The following PDZRN4 variants were observed in gnomAD, a reference collection of about 807,000 sequenced individuals.
PDZRN4 encodes PDZ domain containing ring finger 4.
In PDZRN4, 70 loss-of-function variants were observed where a neutral mutation model predicts 99.0. The observed-to-expected ratio is 0.71, with a 90% CI of 0.58 to 0.86. The LOEUF (loss-of-function observed/expected upper bound fraction) is 0.86. Among genes scored for constraint, PDZRN4 ranks in the 40% least tolerant of loss-of-function variants. The pLI, the probability that PDZRN4 is intolerant of heterozygous loss-of-function variation, is 0.00. For missense variants in PDZRN4, 1,474 were observed against 1,331.2 expected (o/e 1.11, Z -1.67); for synonymous variants, 551 against 501.6 (o/e 1.10, Z -1.32).
chr12:41,347,907 T>C (rs960157810), intron 3 of PDZRN4, among the ~76,000 whole-genome samples: 3 of 152,134 alleles, frequency 2.0e-5, no homozygotes, highest in Non-Finnish European at 4.4e-5. Flanking sequence ...GTAACTATTA[T>C]ATAGTTATGA....
At chr12:41,352,589 G>A (rs952901793) in intron 3 of PDZRN4, among the ~76,000 whole-genome samples, 1 of 152,122 alleles carries the variant, frequency 6.6e-6, no homozygotes, top group Non-Finnish European at 1.5e-5. Flanking sequence ...TATTCTAGAA[G>A]CTTATTGTGA....
intron 3 of PDZRN4, among the ~76,000 whole-genome samples, chr12:41,375,951 G>A (rs1423952249): frequency 6.6e-6 from 1 of 152,018 alleles, no homozygotes; most frequent in Non-Finnish European, 1.5e-5. Context: ...CTTAATTTCT[G>A]AGTGATATTT....
intron 3 of PDZRN4, among the ~76,000 whole-genome samples, chr12:41,483,872 A>G (rs981313270): frequency 6.6e-6 from 1 of 152,152 alleles, no homozygotes; most frequent in Non-Finnish European, 1.5e-5. Context: ...TAGTACACAC[A>G]TTGCATTTAT....
intron 4 of PDZRN4, among the ~76,000 whole-genome samples, chr12:41,507,585 A>C (rs532828907): frequency 4.7e-4 from 72 of 152,196 alleles, no homozygotes; most frequent in African/African-American, 1.7e-3. Flanking sequence ...CAGATGTACA[A>C]TAGAATCACC....
chr12:41,317,048 G>GTATATATATATA (rs33919115), intron 3 of PDZRN4, among the ~76,000 whole-genome samples: 4 of 69,582 alleles, frequency 5.7e-5, no homozygotes, highest in Admixed American at 2.0e-4. Context: ...CTTACATAAA[G>GTATATATATATA]TATATATATA....
rs183767967 is a variant in PDZRN4 at position 41,275,663 on chromosome 12, T to A, written c.843+81475T>A. 5.0e-4 allele frequency among the ~76,000 whole-genome samples: 75 copies of A among 151,100 alleles called. 3 individuals are homozygous for A. The highest frequency in any genetic ancestry group is 1.6e-3 in the African/African-American group (65 of 40,502). On this transcript the variant is annotated intron_variant, in intron 3 of 9. Transcript: ENST00000402685. ...TATAAGAGTATACTGTGGATTTTTT[T>A]AAAAAAATAATCATTTCTGAGGGAT...
chr12:41,362,279 T>C (rs534205735), intron 3 of PDZRN4, among the ~76,000 whole-genome samples: 4 of 152,148 alleles, frequency 2.6e-5, no homozygotes, highest in Non-Finnish European at 5.9e-5. Flanking sequence ...ATAATTACTT[T>C]ATTTTGCCTG....
intron 3 of PDZRN4, among the ~76,000 whole-genome samples, chr12:41,494,437 A>G (rs1937953023): frequency 6.6e-6 from 1 of 152,088 alleles, no homozygotes; most frequent in East Asian, 1.9e-4. Flanking sequence ...CACAAATAGT[A>G]AGCACTCAAC....
chr12:41,533,739 T>A (rs1211604393), intron 5 of PDZRN4, among the ~76,000 whole-genome samples: 2 of 152,194 alleles, frequency 1.3e-5, no homozygotes, highest in African/African-American at 4.8e-5. Flanking sequence ...TGGTGGTTCT[T>A]GTCCACATTT....
At chr12:41,552,368 T>C (rs1189672307) in intron 5 of PDZRN4, among the ~76,000 whole-genome samples, 2 of 152,220 alleles carry the variant, frequency 1.3e-5, no homozygotes, top group African/African-American at 4.8e-5. Context: ...GTATTTGATT[T>C]ATACATTATT....
At chr12:41,529,059 A>G (rs183105996) in intron 5 of PDZRN4, among the ~76,000 whole-genome samples, 113 of 152,266 alleles carry the variant, frequency 7.4e-4, no homozygotes, top group African/African-American at 2.6e-3. Context: ...TCCATTGCCC[A>G]TTACAGAAGT....
intron 3 of PDZRN4, among the ~76,000 whole-genome samples, chr12:41,379,249 C>CTG (rs1427608216): frequency 7.1e-5 from 7 of 98,358 alleles, no homozygotes; most frequent in African/African-American, 2.8e-4. Flanking sequence ...TCTCTATTTT[C>CTG]TGTTTTTTTT....
chr12:41,541,610 C>T (rs392217), intron 5 of PDZRN4, among the ~76,000 whole-genome samples: 23,622 of 151,706 alleles, frequency 0.16, 2,194 homozygotes, highest in African/African-American at 0.26. Context: ...CCCACCACCA[C>T]GCCTGGCTAA....
intron 3 of PDZRN4, among the ~76,000 whole-genome samples, chr12:41,198,102 G>A (rs1251403331): frequency 2.0e-5 from 3 of 151,662 alleles, no homozygotes; most frequent in Non-Finnish European, 2.9e-5. Context: ...ATTTTCTGTA[G>A]AGATGGGGTT....
chr12:41,477,600 A>G (rs1030503512), intron 3 of PDZRN4, among the ~76,000 whole-genome samples: 1 of 152,226 alleles, frequency 6.6e-6, no homozygotes, highest in East Asian at 1.9e-4. Context: ...GGTAGCAGCC[A>G]TCAGCAAAAG....
chr12:41,422,317 C>T (rs1157456052), intron 3 of PDZRN4, among the ~76,000 whole-genome samples: 1 of 152,132 alleles, frequency 6.6e-6, no homozygotes, highest in East Asian at 1.9e-4. Flanking sequence ...GGAATATATC[C>T]TCAGTCAAAT....
At chr12:41,452,401 T>C (rs1189035094) in intron 3 of PDZRN4, among the ~76,000 whole-genome samples, 2 of 148,802 alleles carry the variant, frequency 1.3e-5, no homozygotes, top group Admixed American at 6.7e-5. Flanking sequence ...ATTGCACCAC[T>C]GCACTCCAGC....
chr12:41,309,666 T>TAACAGGTAAAGTTA (rs1259196896), intron 3 of PDZRN4, among the ~76,000 whole-genome samples: 6 of 152,094 alleles, frequency 3.9e-5, no homozygotes, highest in African/African-American at 1.4e-4. Context: ...ATGGCTGTAA[T>TAACAGGTAAAGTTA]ATGTAAAGCC....
chr12:41,223,485 C>T (rs1267760027), intron 3 of PDZRN4, among the ~76,000 whole-genome samples: 6 of 152,146 alleles, frequency 3.9e-5, no homozygotes, highest in Non-Finnish European at 7.3e-5. Context: ...CTCTTGCTCT[C>T]AAATCCTGTA....
Sources: allele counts gnomAD v4.1 joint callset (sites outside exome capture counted in the v4.1 genomes callset), GRCh38; gene constraint gnomAD v4.1.1; transcripts MANE v1.5; gene names NCBI Gene and HGNC (gene_info 2026-07-23, HGNC 2026-07-21).